The following MANBA variants were observed in gnomAD, a reference collection of about 807,000 sequenced individuals.
MANBA encodes beta-mannosidase.
In MANBA, 83 loss-of-function variants were observed where a neutral mutation model predicts 111.1. The ratio of observed to expected loss-of-function variants is 0.75; its 90% CI spans 0.63 to 0.90. MANBA has a LOEUF of 0.90. Among genes scored for constraint, MANBA ranks in the 40% least tolerant of loss-of-function variants. MANBA has a pLI of 0.00. For synonymous variants in MANBA, 370 were observed against 378.7 expected, an observed-to-expected ratio of 0.98 and a Z score of 0.27; for missense variants, 1,036 against 1,069.0, an observed-to-expected ratio of 0.97 and a Z score of 0.43.
intron 5 of MANBA, among the ~76,000 whole-genome samples, chr4:102,702,452 G>C (rs570457658): frequency 6.6e-6 from 1 of 152,188 alleles, no homozygotes; most frequent in East Asian, 1.9e-4. Flanking sequence ...AGAGTTTCCA[G>C]TTTTTCTGCT....
At chr4:102,738,992 G>A (rs1284015467) in intron 1 of MANBA, among the ~76,000 whole-genome samples, 1 of 151,338 alleles carries the variant, frequency 6.6e-6, no homozygotes, top group Non-Finnish European at 1.5e-5. Context: ...ATCGAACAAG[G>A]GAAGAAAAAA....
At chr4:102,715,819 AT>A (rs1722299991) in intron 4 of MANBA, among the ~76,000 whole-genome samples, 1 of 152,240 alleles carries the variant, frequency 6.6e-6, no homozygotes, top group African/African-American at 2.4e-5. Context: ...CACGTAACCT[AT>A]GAAACAGATA....
chr4:102,704,260 C>T (rs1412409194), intron 5 of MANBA, among the ~76,000 whole-genome samples: 1 of 152,086 alleles, frequency 6.6e-6, no homozygotes, highest in South Asian at 2.1e-4. Flanking sequence ...AGGCAGCAGG[C>T]AAGGTGAATT....
At chr4:102,708,237 A>G (rs1310542386) in intron 5 of MANBA, among the ~76,000 whole-genome samples, 1 of 152,168 alleles carries the variant, frequency 6.6e-6, no homozygotes, top group African/African-American at 2.4e-5. Flanking sequence ...ATTCTCAAGA[A>G]TAGATAATAT....
intron 10 of MANBA, chr4:102,666,521 C>T (rs1352102505): frequency 6.6e-6 from 1 of 152,134 alleles, no homozygotes; most frequent in African/African-American, 2.4e-5. Context: ...TTTTCCCATG[C>T]TTAAGGTAAG....
chr4:102,707,192 G>C (rs931593517), intron 5 of MANBA, among the ~76,000 whole-genome samples: 3 of 152,102 alleles, frequency 2.0e-5, no homozygotes, highest in African/African-American at 7.2e-5. Flanking sequence ...AAAGCACCTA[G>C]TTACTTATAA....
At chr4:102,740,021 T>C (rs1428356137) in intron 1 of MANBA, among the ~76,000 whole-genome samples, 1 of 152,190 alleles carries the variant, frequency 6.6e-6, no homozygotes, top group Non-Finnish European at 1.5e-5. Context: ...TCACTGATGA[T>C]ATGATCATAT....
chr4:102,755,065 A>G (rs1723956688), intron 1 of MANBA, among the ~76,000 whole-genome samples: 1 of 152,206 alleles, frequency 6.6e-6, no homozygotes, highest in Non-Finnish European at 1.5e-5. Flanking sequence ...TTATAGATTC[A>G]ACGCCATCCC....
At chr4:102,727,504 T>C (rs776712210) in intron 1 of MANBA, 78 of 1,549,316 alleles carry the variant, frequency 5.0e-5, no homozygotes, top group Non-Finnish European at 6.7e-5. Context: ...TCTTCTCACA[T>C]CATTATTGGG....
intron 7 of MANBA, among the ~76,000 whole-genome samples, chr4:102,684,267 A>C (rs765087507): frequency 2.6e-5 from 4 of 152,210 alleles, no homozygotes; most frequent in Admixed American, 2.0e-4. Context: ...AAACAAGAGC[A>C]ATAGAGGTGA....
chr4:102,726,705 T>C lies in MANBA; in HGVS notation c.178-22A>G, dbSNP rs996673109. On this transcript the variant is annotated intron_variant, in intron 1 of 16. Coordinates refer to ENST00000647097, the MANE Select transcript of MANBA (RefSeq NM_005908.4). ...AATCCTGTTGATACAAGGTAAAAAT[T>C]ATGGTAGATGGTTAAATATGCACAA... 6 of 1,081,380 alleles carry C rather than the reference T, an allele frequency of 5.5e-6. No homozygotes were observed. The African/African-American group carries it at 9.3e-5, about 17-fold the overall frequency. 67.0% of individuals were successfully genotyped at this position (1,081,380 alleles called of 1,614,324 possible).
chr4:102,754,734 T>C (rs1723942160), intron 1 of MANBA, among the ~76,000 whole-genome samples: 1 of 152,062 alleles, frequency 6.6e-6, no homozygotes, highest in Non-Finnish European at 1.5e-5. Context: ...TTTTTTGTAT[T>C]TTTAGTAGAG....
At chr4:102,712,610 C>T (rs1722127119) in intron 5 of MANBA, among the ~76,000 whole-genome samples, 1 of 151,818 alleles carries the variant, frequency 6.6e-6, no homozygotes, top group South Asian at 2.1e-4. Context: ...GCTCTACCTC[C>T]TGAGCTCAAG....
chr4:102,675,194 G>A (rs1290648213), intron 7 of MANBA, among the ~76,000 whole-genome samples: 2 of 152,206 alleles, frequency 1.3e-5, no homozygotes, highest in African/African-American at 4.8e-5. Context: ...GGGACTCCAG[G>A]AGGTCCCTTG....
chr4:102,706,382 T>C (rs1248734399), intron 5 of MANBA, among the ~76,000 whole-genome samples: 1 of 152,186 alleles, frequency 6.6e-6, no homozygotes, highest in South Asian at 2.1e-4. Context: ...ACAGAAACTA[T>C]ACTATTGCAA....
At chr4:102,671,430 T>C (rs1181282240) in intron 8 of MANBA, 32 bp from the exon 9 acceptor site, 2 of 1,339,042 alleles carry the variant, frequency 1.5e-6, no homozygotes, top group Non-Finnish European at 2.1e-6. Flanking sequence ...CAAATCATAA[T>C]TTGGAAAAAA....
intron 1 of MANBA, among the ~76,000 whole-genome samples, chr4:102,755,054 T>C (rs570546565): frequency 6.6e-6 from 1 of 152,272 alleles, no homozygotes; most frequent in South Asian, 2.1e-4. Context: ...CCCAAGGTGA[T>C]TTATAGATTC....
chr4:102,671,368 A>G lies in MANBA; in HGVS notation c.1143T>C (p.Asp381=), dbSNP rs142356301. 24 of 1,607,806 alleles carry G rather than the reference A, an allele frequency of 1.5e-5. No individual in the cohort carries two copies. The African/African-American group carries it at 3.2e-4, about 21-fold the overall frequency. Residue 381 remains aspartate (D), a synonymous_variant, in exon 9 of 17, where the codon GAT becomes GAC. Coordinates refer to ENST00000647097, the MANE Select transcript of MANBA (RefSeq NM_005908.4). ...LLRLLLQSVV[D]ANMNTLRVWG... ...AAACCCGAAGAGTATTCATATTAGC[A>G]TCCACAACAGACTGTAAAAGGAGCC...
Position 102,639,056 on chromosome 4 carries a change from A to AT in MANBA, c.2014+656dup, listed in dbSNP as rs935079065. ...GAAGGGCAAAGACTATTATTCCTTA[A>AT]TTTTTTTTAATGTACCAGAATAGAT... On this transcript the variant is annotated intron_variant, in intron 14 of 16. Transcript: ENST00000647097. 5.3e-5 allele frequency among the ~76,000 whole-genome samples: 8 copies of AT among 152,070 alleles called. No homozygotes were observed. The East Asian group carries it at 1.5e-3, about 29-fold the overall frequency.
Sources: allele counts gnomAD v4.1 joint callset (sites outside exome capture counted in the v4.1 genomes callset), GRCh38; gene constraint gnomAD v4.1.1; transcripts MANE v1.5; gene names NCBI Gene and HGNC (gene_info 2026-07-23, HGNC 2026-07-21).